The following FBRSL1 variants were observed in gnomAD, a reference collection of about 807,000 sequenced individuals.
FBRSL1 encodes fibrosin-1-like protein.
FBRSL1 carries 51 observed loss-of-function variants against 89.6 expected under a neutral mutation model. The observed-to-expected ratio is 0.57, with a 90% CI of 0.45 to 0.72. The LOEUF (loss-of-function observed/expected upper bound fraction) is 0.72. Among genes scored for constraint, FBRSL1 ranks in the 30% least tolerant of loss-of-function variants. The probability of loss-of-function intolerance (pLI) is 0.00; values close to 1 mark genes in which losing one functional copy is unlikely to be tolerated. For synonymous variants in FBRSL1, 779 were observed against 681.1 expected (o/e 1.14, Z -2.24); for missense variants, 1,618 against 1,451.8 (o/e 1.11, Z -1.86).
intron 1 of FBRSL1, chr12:132,507,171 C>T: frequency 1.0e-6 from 1 of 985,136 alleles, no homozygotes; most frequent in Admixed American, 6.1e-5. Flanking sequence ...GCGGATCCTC[C>T]CCAGTGGCTT....
chr12:132,507,447 G>A (rs1219257760), intron 1 of FBRSL1: 5 of 983,974 alleles, frequency 5.1e-6, no homozygotes, highest in Non-Finnish European at 3.6e-6. Flanking sequence ...GGGGCTGCCC[G>A]ATGTCCACCG....
intron 15 of FBRSL1, 122 bp from the exon 16 acceptor site, chr12:132,581,317 T>C (rs762562270): frequency 1.3e-6 from 2 of 1,538,974 alleles, no homozygotes; most frequent in Non-Finnish European, 1.8e-6. Flanking sequence ...CCTCAGGGCA[T>C]GCGAGAGAAT....
chr12:132,542,714 T>C (rs2037365786), intron 4 of FBRSL1, among the ~76,000 whole-genome samples: 1 of 152,076 alleles, frequency 6.6e-6, no homozygotes, highest in South Asian at 2.1e-4. Flanking sequence ...TCCTATCTCC[T>C]CCCCACCCTG....
At chr12:132,510,487 C>A in intron 2 of FBRSL1, 1 of 1,231,968 alleles carries the variant, frequency 8.1e-7, no homozygotes, top group South Asian at 4.1e-5. Flanking sequence ...CCAGCCCACT[C>A]CAGTGTGATC....
intron 15 of FBRSL1, among the ~76,000 whole-genome samples, chr12:132,579,603 G>A (rs1235995657): frequency 6.6e-6 from 1 of 152,270 alleles, no homozygotes; most frequent in East Asian, 1.9e-4. Context: ...AGGAGTGGGT[G>A]GTTTGCCCCC....
intron 2 of FBRSL1, among the ~76,000 whole-genome samples, chr12:132,525,391 G>T (rs1441669629): frequency 1.3e-5 from 2 of 152,228 alleles, no homozygotes; most frequent in South Asian, 4.1e-4. Context: ...TCAGCGGCTT[G>T]TGGAAGGGGC....
At position 132,547,983 on chromosome 12, in the gene FBRSL1, C is replaced by G; in HGVS notation, c.616-20C>G. The stretch of plus-strand genomic sequence containing the variant: ...TGGTTGGTGGGGCCCCGACTCACTT[C>G]TGTCTCTCTGTCCCTGCAGTGTGAC... On this transcript the variant is annotated intron_variant, in intron 4 of 18. Transcript: ENST00000680143. 2.6e-6 allele frequency: 4 copies of G among 1,549,826 alleles called. No homozygotes were observed. Among genetic ancestry groups the G allele is most frequent in the Middle Eastern group, 1.7e-4 (1 of 5,958 alleles).
At chr12:132,512,078 G>C in intron 2 of FBRSL1, 2 of 915,916 alleles carry the variant, frequency 2.2e-6, no homozygotes, top group South Asian at 1.0e-4. Context: ...GAGACCTGGA[G>C]CATCTGTTCC....
rs1413715108 is a variant in FBRSL1, at chr12:132,533,207, A to G, written c.615+5219A>G. ...AGCCTCTCCCTGGAGTCAGAGAGCC[A>G]CAGTCTCCTCCCGACCCAGCCACAG... On this transcript the variant is annotated intron_variant, in intron 4 of 18. Transcript: ENST00000680143. Among the ~76,000 whole-genome samples, 61 of 138,688 alleles carry G rather than the reference A, an allele frequency of 4.4e-4. 1 individual carries two copies. The highest frequency in any genetic ancestry group is 7.4e-4 in the Non-Finnish European group (48 of 64,538). The allele number at this position is 138,688 out of a possible 152,430, so 91.0% of individuals were successfully genotyped here.
chr12:132,570,666 C>G (rs1426193068), intron 8 of FBRSL1, 126 bp downstream of exon 8: 1 of 847,982 alleles, frequency 1.2e-6, no homozygotes, highest in African/African-American at 1.8e-5. Flanking sequence ...GCGCGCCTCT[C>G]TGAGTGGTTC....
chr12:132,577,451 G>C (rs2040450446), intron 15 of FBRSL1, among the ~76,000 whole-genome samples: 1 of 152,188 alleles, frequency 6.6e-6, no homozygotes, highest in Non-Finnish European at 1.5e-5. Context: ...CCACACCCCA[G>C]TGCCCCTTCC....
chr12:132,579,440 T>G (rs1308326011), intron 15 of FBRSL1, among the ~76,000 whole-genome samples: 1 of 152,264 alleles, frequency 6.6e-6, no homozygotes, highest in Non-Finnish European at 1.5e-5. Context: ...GTTACATTCT[T>G]AAGCTGTTGC....
At chr12:132,555,297 G>T (rs1018074713) in intron 5 of FBRSL1, among the ~76,000 whole-genome samples, 12 of 151,842 alleles carry the variant, frequency 7.9e-5, no homozygotes, top group African/African-American at 2.7e-4. Context: ...AGGCAGCATG[G>T]GGCCCTGGTG....
In FBRSL1 at chr12:132,582,129, G is replaced by A; in HGVS notation, c.2064G>A (p.Glu688=). 2 of 1,549,960 alleles carry A rather than the reference G, an allele frequency of 1.3e-6. No homozygotes were observed. The highest frequency in any genetic ancestry group is 1.7e-6 in the Non-Finnish European group (2 of 1,146,772). ...SSVHGLPSPH[E]AWNRLHRAPP... ...TGCACGGCCTGCCCAGCCCCCATGA[G>A]GCCTGGAACCGACTGCACCGGGCAC... Residue 688 remains glutamate (E), a synonymous_variant, in exon 18 of 19, where the codon GAG becomes GAA. Transcript: ENST00000680143.
chr12:132,568,812 C>T (rs2039812806), intron 6 of FBRSL1, among the ~76,000 whole-genome samples: 1 of 152,054 alleles, frequency 6.6e-6, no homozygotes, highest in African/African-American at 2.4e-5. Flanking sequence ...TCTGTGGTCG[C>T]TGGGTGGTGG....
Position 132,523,478 on chromosome 12 carries a change from C to T in FBRSL1, c.490-2256C>T, listed in dbSNP as rs141729729. On this transcript the variant is annotated intron_variant, in intron 2 of 18. Transcript: ENST00000680143. ...GCATGGGGGTGACGCGTTCCATCTG[C>T]GCCCAGCCCTGACCGGAGGTGGCTT... Among the ~76,000 whole-genome samples, 374 of 152,124 alleles carry T rather than the reference C, an allele frequency of 2.5e-3. 5 individuals carry two copies. The highest frequency in any genetic ancestry group is 3.7e-3 in the African/African-American group (152 of 41,496).
In FBRSL1 at chr12:132,516,130, G is replaced by T. The variant is rs549123734; in HGVS notation, c.489+7780G>T. Among the ~76,000 whole-genome samples, 17 of 151,746 alleles carry T rather than the reference G, an allele frequency of 1.1e-4. No homozygotes were observed. The South Asian group carries it at 3.5e-3, about 32-fold the overall frequency. ...TTCCAACAAATTCAACAGCTTAGGT[G>T]AAGTGGGCAAATTACTTGGAAAACA... On this transcript the variant is annotated intron_variant, in intron 2 of 18. Transcript: ENST00000680143.
intron 1 of FBRSL1, among the ~76,000 whole-genome samples, chr12:132,493,756 G>A (rs2031524956): frequency 6.6e-6 from 1 of 152,232 alleles, no homozygotes; most frequent in Non-Finnish European, 1.5e-5. Flanking sequence ...TGTGCCCGGG[G>A]CAGGCCCCCA....
At chr12:132,551,436 C>T (rs943618289) in intron 5 of FBRSL1, 10 of 456,198 alleles carry the variant, frequency 2.2e-5, no homozygotes, top group Middle Eastern at 3.2e-4. Context: ...CCCGCAGAAG[C>T]GGATGCCGGG....
Sources: gnomAD v4.1 joint callset for allele counts (sites outside exome capture counted in the v4.1 genomes callset) on GRCh38, gnomAD v4.1.1 for gene constraint, MANE v1.5 for transcripts, NCBI Gene and HGNC (gene_info 2026-07-23, HGNC 2026-07-21) for gene names.